IGSF10: variants seen among roughly 807,000 people sequenced by gnomAD.
The protein encoded by IGSF10 is calvaria mechanical force protein 608.
In IGSF10, 126 loss-of-function variants were observed where a neutral mutation model predicts 128.2. The ratio of observed to expected loss-of-function variants is 0.98; its 90% CI spans 0.85 to 1.14. The LOEUF (loss-of-function observed/expected upper bound fraction) is 1.14. Ranked by LOEUF, IGSF10 falls within the 50% of genes most tolerant of loss-of-function variation. The pLI is 0.00. For missense variants in IGSF10, 3,295 were observed against 3,149.8 expected, an observed-to-expected ratio of 1.05 and a Z score of -1.10; for synonymous variants, 1,185 against 1,146.2, an observed-to-expected ratio of 1.03 and a Z score of -0.68.
At chr3:151,580,358 C>T in the IGSF10 span, among the ~76,000 whole-genome samples, 15 of 109,882 alleles carry the variant, frequency 1.4e-4, no homozygotes, top group Admixed American at 5.7e-4. Flanking sequence ...AAAAGAAATA[C>T]ATCAGACAGA....
chr3:151,502,244 G>T, the IGSF10 span, among the ~76,000 whole-genome samples: 2 of 151,736 alleles, frequency 1.3e-5, no homozygotes, highest in Non-Finnish European at 1.5e-5. Context: ...CTGATGATTT[G>T]CCAGAAGGTT....
In IGSF10 at chr3:151,445,177, C is replaced by A. The variant is rs79363433; in HGVS notation, c.4804G>T (p.Glu1602Ter). ...CAATCTGAAACAAGAGTGGTGGCCTCGGACAGGCCTGTAGTAGCCAACATG... is the reference window on the plus strand; with the variant it reads ...CAATCTGAAACAAGAGTGGTGGCCTAGGACAGGCCTGTAGTAGCCAACATG... The part of the protein sequence containing the change: ...VSMLATTGLS[E>*]ATTLVSDWDG... Residue 1602 changes from glutamate to a stop codon, truncating the protein, a stop_gained, in exon 6 of 8, where the codon GAG becomes TAG. Transcript: ENST00000282466. LOFTEE classifies it high-confidence loss of function. The A allele has an allele frequency of 3.3e-3, 5,381 of 1,614,240 alleles. 15 individuals are homozygous for A. Among genetic ancestry groups the A allele is most frequent in the East Asian group, 6.0e-3 (271 of 44,894 alleles).
At chr3:151,617,420 G>T in the IGSF10 span, among the ~76,000 whole-genome samples, 9 of 149,244 alleles carry the variant, frequency 6.0e-5, no homozygotes, top group African/African-American at 2.2e-4. Context: ...TGGGGGGATG[G>T]CTATTTCTCC....
At chr3:151,479,570 C>T in the IGSF10 span, among the ~76,000 whole-genome samples, 10 of 152,170 alleles carry the variant, frequency 6.6e-5, no homozygotes, top group African/African-American at 2.4e-4. Flanking sequence ...CCTGGCTAAT[C>T]TCATGGACAC....
chr3:151,469,378 A>C, the IGSF10 span, among the ~76,000 whole-genome samples: 1 of 152,166 alleles, frequency 6.6e-6, no homozygotes, highest in African/African-American at 2.4e-5. Context: ...AGTTCAAGAC[A>C]TTCCTGTATC....
the IGSF10 span, among the ~76,000 whole-genome samples, chr3:151,581,628 T>C: frequency 6.6e-6 from 1 of 152,216 alleles, no homozygotes; most frequent in Non-Finnish European, 1.5e-5. Flanking sequence ...AAGAGATTCT[T>C]TCCTGTACTT....
At chr3:151,463,905 A>G (rs1722183891), upstream of IGSF10, among the ~76,000 whole-genome samples, 1 of 152,232 alleles carries the variant, frequency 6.6e-6, no homozygotes, top group South Asian at 2.1e-4. Context: ...CATATCAAAG[A>G]AAAGTTTCAC....
At position 151,448,600 on chromosome 3, in the gene IGSF10, G is replaced by A; in HGVS notation, c.1381C>T (p.Pro461Ser). The A allele has an allele frequency of 1.2e-6, 2 of 1,613,880 alleles. No individual in the cohort carries two copies. Among genetic ancestry groups the A allele is most frequent in the Non-Finnish European group, 1.7e-6 (2 of 1,179,868 alleles). Residue 461 changes from proline (P) to serine (S), a missense_variant, in exon 6 of 8, where the codon CCA (proline) becomes TCA (serine). Transcript: ENST00000282466. ...TTCACTGGCCTCATCTCTGCTCTTG[G>A]TAAAGTGATTTGAGCATCACTGGAG... ...QYSSDAQITL[P>S]RAEMRPVKHK...
At chr3:151,573,112 G>C in the IGSF10 span, among the ~76,000 whole-genome samples, 1 of 152,124 alleles carries the variant, frequency 6.6e-6, no homozygotes, top group South Asian at 2.1e-4. Flanking sequence ...TGTGATTTCT[G>C]TTCTTTTATA....
At chr3:151,578,308 G>T in the IGSF10 span, among the ~76,000 whole-genome samples, 2 of 152,154 alleles carry the variant, frequency 1.3e-5, no homozygotes, top group Admixed American at 6.5e-5. Flanking sequence ...TTTAGGCTTT[G>T]TGGGCTATGG....
chr3:151,451,942 C>T (rs2108564150), intron 5 of IGSF10, among the ~76,000 whole-genome samples: 2 of 152,230 alleles, frequency 1.3e-5, no homozygotes, highest in Middle Eastern at 6.8e-3. Context: ...ATAGAAGATA[C>T]CCACAAGTAG....
At chr3:151,490,687 C>T in the IGSF10 span, among the ~76,000 whole-genome samples, 1 of 151,846 alleles carries the variant, frequency 6.6e-6, no homozygotes, top group Non-Finnish European at 1.5e-5. Context: ...TATTTCAGAC[C>T]ACAATGGTTT....
the IGSF10 span, among the ~76,000 whole-genome samples, chr3:151,496,189 A>C: frequency 1.4e-5 from 2 of 143,650 alleles, no homozygotes; most frequent in Non-Finnish European, 3.0e-5. Flanking sequence ...CTTTTGTCAG[A>C]AGCTCTGAAG....
rs774284539 is a variant in IGSF10, at chr3:151,438,579, G to A, written c.5982C>T (p.His1994=). 28 of 1,612,880 alleles carry A rather than the reference G, an allele frequency of 1.7e-5. No homozygotes were observed. The highest frequency in any genetic ancestry group is 2.2e-5 in the East Asian group (1 of 44,872). ...DQQHRVGSWI[H]VYPNGSLFIG... ...TAAACAGGGATCCATTAGGGTAGAC[G>A]TGGATCCAGCTGCCCACTCTAAGGA... Residue 1994 remains histidine (H), a synonymous_variant, in exon 8 of 8, where the codon CAC becomes CAT. Coordinates refer to ENST00000282466, the MANE Select transcript of IGSF10 (RefSeq NM_178822.5).
chr3:151,491,341 C>T, the IGSF10 span, among the ~76,000 whole-genome samples: 7 of 152,208 alleles, frequency 4.6e-5, no homozygotes, highest in African/African-American at 1.2e-4. Flanking sequence ...CTTTGGGAGG[C>T]CATGGCAGGT....
chr3:151,542,360 A>G, the IGSF10 span, among the ~76,000 whole-genome samples: 8 of 152,190 alleles, frequency 5.3e-5, no homozygotes, highest in Non-Finnish European at 1.2e-4. Context: ...TAACATAAGT[A>G]GAATTCATTC....
chr3:151,496,494 G>A, the IGSF10 span, among the ~76,000 whole-genome samples: 9 of 140,488 alleles, frequency 6.4e-5, no homozygotes, highest in African/African-American at 2.2e-4. Flanking sequence ...ATGGTTTCCA[G>A]CTTCATCCAT....
At chr3:151,616,748 A>G in the IGSF10 span, among the ~76,000 whole-genome samples, 2 of 152,246 alleles carry the variant, frequency 1.3e-5, no homozygotes, top group Non-Finnish European at 2.9e-5. Flanking sequence ...CCATTCATGC[A>G]TCTATGTATC....
At chr3:151,581,008 AG>A in the IGSF10 span, among the ~76,000 whole-genome samples, 1 of 151,984 alleles carries the variant, frequency 6.6e-6, no homozygotes, top group Non-Finnish European at 1.5e-5. Context: ...GGGAGGGAAA[AG>A]CTTTTATCAT....
Sources: gnomAD v4.1 joint callset for allele counts (sites outside exome capture counted in the v4.1 genomes callset) on GRCh38, gnomAD v4.1.1 for gene constraint, MANE v1.5 for transcripts, NCBI Gene and HGNC (gene_info 2026-07-23, HGNC 2026-07-21) for gene names.